Variants in WWC1 observed in about 807,000 individuals in gnomAD.
The protein encoded by WWC1 is WW and C2 domain containing 1, also known as protein KIBRA.
Under a neutral mutation model 138.4 loss-of-function variants are expected in WWC1, and 55 were observed. The observed-to-expected ratio is 0.40, with a 90% CI of 0.32 to 0.50. The LOEUF is 0.50. WWC1 is among the 20% of genes least tolerant of loss of function. The pLI, the probability that WWC1 is intolerant of heterozygous loss-of-function variation, is 0.72. For synonymous variants in WWC1, 524 were observed against 564.9 expected, an observed-to-expected ratio of 0.93 and a Z score of 1.03; for missense variants, 1,226 against 1,420.4, an observed-to-expected ratio of 0.86 and a Z score of 2.20.
At chr5:168,402,683 G>T (rs1216713903) in intron 5 of WWC1, among the ~76,000 whole-genome samples, 1 of 152,172 alleles carries the variant, frequency 6.6e-6, no homozygotes, top group East Asian at 1.9e-4. Context: ...CACTGGAAGG[G>T]TTGAAAACAT....
intron 1 of WWC1, among the ~76,000 whole-genome samples, chr5:168,346,308 GA>G (rs1305305721): frequency 6.6e-6 from 1 of 152,200 alleles, no homozygotes; most frequent in Admixed American, 6.5e-5. Flanking sequence ...CCCAGAGTGC[GA>G]GCCCAGTGTC....
At chr5:168,448,615 G>GTT (rs1755500909) in intron 17 of WWC1, among the ~76,000 whole-genome samples, 1 of 116,920 alleles carries the variant, frequency 8.6e-6, no homozygotes, top group East Asian at 2.5e-4. Flanking sequence ...TCTCAAATAA[G>GTT]ATTTTTTTTT....
At chr5:168,338,517 T>C (rs1215220641) in intron 1 of WWC1, among the ~76,000 whole-genome samples, 7 of 150,826 alleles carry the variant, frequency 4.6e-5, no homozygotes, top group African/African-American at 1.5e-4. Flanking sequence ...GTTCAAGCGG[T>C]TCTCCTGCCT....
At position 168,428,103 on chromosome 5, in the gene WWC1, G is replaced by A. The variant is rs1781646758; in HGVS notation, c.1881G>A (p.Val627=). 2 of 1,613,818 alleles carry A rather than the reference G, an allele frequency of 1.2e-6. No homozygotes were observed. Among genetic ancestry groups the A allele is most frequent in the Non-Finnish European group, 1.7e-6 (2 of 1,179,822 alleles). Residue 627 remains valine (V), a synonymous_variant, in exon 12 of 23, where the codon GTG becomes GTA. Coordinates refer to ENST00000265293, the MANE Select transcript of WWC1 (RefSeq NM_015238.3). ...CAGCCGCCGTATCGGACGAGTCAGT[G>A]GCTGGAGACAGTGGTGTGTACGAGG... is the stretch of plus-strand genomic sequence containing the variant. ...CVSAAVSDES[V]AGDSGVYEAS...
intron 1 of WWC1, among the ~76,000 whole-genome samples, chr5:168,352,728 TGCCCACGACC>T (rs1223775728): frequency 1.3e-5 from 2 of 151,978 alleles, no homozygotes; most frequent in Non-Finnish European, 2.9e-5. Flanking sequence ...GGATTACAGA[TGCCCACGACC>T]TTGCCCAGCT....
chr5:168,321,600 C>T (rs1287900572), intron 1 of WWC1, among the ~76,000 whole-genome samples: 1 of 150,672 alleles, frequency 6.6e-6, no homozygotes, highest in African/African-American at 2.4e-5. Context: ...AATGATGACA[C>T]GATCTCGGCC....
At chr5:168,334,645 A>G (rs1394052897) in intron 1 of WWC1, among the ~76,000 whole-genome samples, 2 of 152,196 alleles carry the variant, frequency 1.3e-5, no homozygotes, top group Admixed American at 6.5e-5. Context: ...CTGCACTGCA[A>G]GCTCCTTAAG....
intron 3 of WWC1, among the ~76,000 whole-genome samples, chr5:168,386,246 C>T (rs999439075): frequency 6.6e-6 from 1 of 151,984 alleles, no homozygotes; most frequent in Non-Finnish European, 1.5e-5. Context: ...CTTCATATCA[C>T]GTATCACAAT....
chr5:168,355,988 G>A (rs1482336251), intron 1 of WWC1, among the ~76,000 whole-genome samples: 2 of 152,156 alleles, frequency 1.3e-5, no homozygotes, highest in Middle Eastern at 3.2e-3. Context: ...GGGCTGTGAT[G>A]AGAACAAGCT....
chr5:168,384,713 CTTTTTTTTTT>C (rs762052940), intron 2 of WWC1, among the ~76,000 whole-genome samples: 1 of 99,638 alleles, frequency 1.0e-5, no homozygotes. Flanking sequence ...CTGGTTTATT[CTTTTTTTTTT>C]TTTTTTTTTT....
intron 1 of WWC1, among the ~76,000 whole-genome samples, chr5:168,301,043 G>A (rs1019718789): frequency 6.6e-6 from 1 of 151,674 alleles, no homozygotes; most frequent in African/African-American, 2.4e-5. Flanking sequence ...ACTGGCACCT[G>A]GTGATAATGG....
Position 168,464,713 on chromosome 5 carries a change from G to A in WWC1, c.2917-16G>A, listed in dbSNP as rs374610621. 147 of 1,614,030 alleles carry A rather than the reference G, an allele frequency of 9.1e-5. 2 individuals carry two copies. The South Asian group carries it at 1.1e-3, about 12-fold the overall frequency. ...CAGAGCTCTAATAACAAGAGAAGCC[G>A]TCCCCACCCCCACAGCCTTCCTCGG... On this transcript the variant is annotated splice_polypyrimidine_tract_variant and intron_variant, in intron 20 of 22. Transcript: ENST00000265293.
At chr5:168,305,079 C>T (rs1770427554) in intron 1 of WWC1, among the ~76,000 whole-genome samples, 1 of 151,874 alleles carries the variant, frequency 6.6e-6, no homozygotes, top group African/African-American at 2.4e-5. Context: ...CCCGCCTCAG[C>T]CTCCCAAATG....
intron 2 of WWC1, among the ~76,000 whole-genome samples, chr5:168,372,735 C>A (rs2152808483): frequency 6.6e-6 from 1 of 152,342 alleles, no homozygotes; most frequent in Non-Finnish European, 1.5e-5. Context: ...CCTACTTCCT[C>A]TTCTGGGTTT....
chr5:168,394,178 AC>A (rs996610703), intron 3 of WWC1, among the ~76,000 whole-genome samples: 2 of 152,174 alleles, frequency 1.3e-5, no homozygotes, highest in Non-Finnish European at 2.9e-5. Context: ...AATGCCGAAA[AC>A]AGAAAAGATC....
rs112754997 is a variant in WWC1, at chr5:168,347,392, C to G, written c.120-24032C>G. On this transcript the variant is annotated intron_variant, in intron 1 of 22. Transcript: ENST00000265293. ...TTCCGATCCACCTTCAGTTGATCAC[C>G]CTGGCCTTGCCTGGAGAGGGAATTT... Among the ~76,000 whole-genome samples, 3 of 152,226 alleles carry G rather than the reference C, an allele frequency of 2.0e-5. No homozygotes were observed. In the South Asian group the frequency reaches 6.2e-4, roughly 31 times the overall value.
At chr5:168,326,197 A>G (rs976434818) in intron 1 of WWC1, among the ~76,000 whole-genome samples, 3 of 148,238 alleles carry the variant, frequency 2.0e-5, no homozygotes, top group Middle Eastern at 3.5e-3. Context: ...TTAGTGGCTC[A>G]GGACACCGAC....
chr5:168,333,344 G>A (rs1311290718), intron 1 of WWC1, among the ~76,000 whole-genome samples: 3 of 152,118 alleles, frequency 2.0e-5, no homozygotes, highest in South Asian at 2.1e-4. Context: ...TTTTCCCTTC[G>A]GGAGCTGGGA....
chr5:168,305,985 G>C (rs1770525464), intron 1 of WWC1, among the ~76,000 whole-genome samples: 1 of 152,182 alleles, frequency 6.6e-6, no homozygotes, highest in African/African-American at 2.4e-5. Flanking sequence ...CCTTGTAAAG[G>C]GGACAAGTGC....
Sources: allele counts gnomAD v4.1 joint callset (sites outside exome capture counted in the v4.1 genomes callset), GRCh38; gene constraint gnomAD v4.1.1; transcripts MANE v1.5; gene names NCBI Gene and HGNC (gene_info 2026-07-23, HGNC 2026-07-21).